The following LEPR variants were observed in gnomAD, a reference collection of about 807,000 sequenced individuals.
LEPR encodes OB receptor.
LEPR carries 56 observed loss-of-function variants against 114.7 expected under a neutral mutation model. The ratio of observed to expected loss-of-function variants is 0.49; its 90% CI spans 0.39 to 0.61. LEPR has a LOEUF of 0.61. LEPR is among the 20% of genes least tolerant of loss of function. LEPR has a pLI of 0.00. For synonymous variants in LEPR, 443 were observed against 461.4 expected (o/e 0.96, Z 0.51); for missense variants, 1,202 against 1,352.9 (o/e 0.89, Z 1.75).
At chr1:65,536,683 CAA>C (rs758335141) in intron 2 of LEPR, among the ~76,000 whole-genome samples, 1 of 151,880 alleles carries the variant, frequency 6.6e-6, no homozygotes, top group Non-Finnish European at 1.5e-5. Context: ...TATTCATATT[CAA>C]AGTCTGTTTT....
intron 2 of LEPR, among the ~76,000 whole-genome samples, chr1:65,451,870 G>T (rs956735153): frequency 2.0e-5 from 3 of 151,974 alleles, no homozygotes; most frequent in Non-Finnish European, 4.4e-5. Flanking sequence ...ACCTTGGGCG[G>T]TATGGCCATT....
chr1:65,518,872 T>TC (rs1649433291), intron 2 of LEPR, among the ~76,000 whole-genome samples: 2 of 126,142 alleles, frequency 1.6e-5, no homozygotes, highest in African/African-American at 5.8e-5. Flanking sequence ...TCTTTCTTTC[T>TC]TTTTCTTTCT....
intron 3 of LEPR, among the ~76,000 whole-genome samples, chr1:65,565,839 T>TCACA (rs1298113307): frequency 7.6e-6 from 1 of 132,446 alleles, no homozygotes; most frequent in Admixed American, 7.6e-5. Context: ...GAATCCTCTC[T>TCACA]CTCTCTCACA....
intron 2 of LEPR, among the ~76,000 whole-genome samples, chr1:65,538,424 C>T (rs946200166): frequency 2.0e-5 from 3 of 152,064 alleles, no homozygotes; most frequent in Admixed American, 6.6e-5. Flanking sequence ...TGTTTGTAAC[C>T]ACGATTTCCT....
chr1:65,520,417 T>C (rs1276816970), intron 2 of LEPR, among the ~76,000 whole-genome samples: 2 of 152,218 alleles, frequency 1.3e-5, no homozygotes, highest in South Asian at 2.1e-4. Context: ...GTATATTGAC[T>C]TCAGAAACAA....
chr1:65,529,574 AG>A (rs1557642572), intron 2 of LEPR, among the ~76,000 whole-genome samples: 3 of 149,256 alleles, frequency 2.0e-5, no homozygotes, highest in African/African-American at 7.4e-5. Flanking sequence ...GGAGGGAGGG[AG>A]GATTGTCTCT....
In LEPR at chr1:65,617,974, G is replaced by GCAGT; in HGVS notation, c.2226_2229dup (p.Leu744ValfsTer22). 1 of 1,608,604 alleles carries GCAGT rather than the reference G, an allele frequency of 6.2e-7. No individual in the cohort carries two copies. On this transcript the variant is annotated frameshift_variant, in exon 16 of 20. Coordinates refer to ENST00000349533, the MANE Select transcript of LEPR (RefSeq NM_002303.6). LOFTEE classifies it high-confidence loss of function. Reference sequence around the variant, plus strand: ...TTCTTTTCCCCTCAGTAAATATCGTGCAGTCACTCAGTGCTTATCCTTTAA... The same window carrying GCAGT: ...TTCTTTTCCCCTCAGTAAATATCGTGCAGTCAGTCACTCAGTGCTTATCCTTTAA...
chr1:65,637,004 C>G lies in LEPR; in HGVS notation c.3487C>G (p.Leu1163Val). 6.2e-7 allele frequency: 1 copy of G among 1,613,336 alleles called. No individual in the cohort carries two copies. The highest frequency in any genetic ancestry group is 8.5e-7 in the Non-Finnish European group (1 of 1,179,892). Residue 1163 changes from leucine to valine, a missense_variant, in exon 20 of 20, where the codon CTA (leucine) becomes GTA (valine). Transcript: ENST00000349533. ...GATCATGGAAAACAAGATGTGTGAC[C>G]TAACTGTGTAATTTCACTGAAGAAA... ...HKIMENKMCDLTV is the reference protein window; with the variant it reads ...HKIMENKMCDVTV
At chr1:65,478,340 CTG>C (rs1270318153) in intron 2 of LEPR, among the ~76,000 whole-genome samples, 2 of 152,166 alleles carry the variant, frequency 1.3e-5, no homozygotes, top group African/African-American at 4.8e-5. Context: ...ACAATGAAAA[CTG>C]TAAAATTATA....
chr1:65,628,042 G>A (rs1045379206), intron 19 of LEPR, among the ~76,000 whole-genome samples: 20 of 152,010 alleles, frequency 1.3e-4, no homozygotes, highest in African/African-American at 4.8e-4. Context: ...CTATAATTAT[G>A]TTAATCAAAT....
chr1:65,420,711 C>G lies in LEPR; in HGVS notation c.-126C>G. 2 of 1,581,176 alleles carry G rather than the reference C, an allele frequency of 1.3e-6. No individual in the cohort carries two copies. Among genetic ancestry groups the G allele is most frequent in the East Asian group, 2.3e-5 (1 of 43,236 alleles). On this transcript the variant is annotated 5_prime_UTR_variant, in exon 1 of 20. Coordinates refer to ENST00000349533, the MANE Select transcript of LEPR (RefSeq NM_002303.6). ...CAGGAAGCCGGAAGCAGCCGCGGCC[C>G]CAGTTCGGGAGACATGGCGGGCGTT... is the stretch of plus-strand genomic sequence containing the variant.
chr1:65,527,346 A>G (rs1270438986), intron 2 of LEPR, among the ~76,000 whole-genome samples: 1 of 152,222 alleles, frequency 6.6e-6, no homozygotes, highest in Non-Finnish European at 1.5e-5. Context: ...GCAGAGATTA[A>G]CTAAACAGAT....
chr1:65,610,219 A>G lies in LEPR; in HGVS notation c.1918A>G (p.Met640Val), dbSNP rs753680187. ...YTVVMDIKVPMRGPEFWRIIN... is the reference protein window; with the variant it reads ...YTVVMDIKVPVRGPEFWRIIN... ...CACAACTTGTCATTTTGCAGTTCCT[A>G]TGAGAGGACCTGAATTTTGGAGAAT... Residue 640 changes from methionine to valine, a missense_variant, in exon 14 of 20, where the codon ATG becomes GTG. Transcript: ENST00000349533. 6 of 1,614,038 alleles carry G rather than the reference A, an allele frequency of 3.7e-6. No individual in the cohort carries two copies. The highest frequency in any genetic ancestry group is 3.3e-5 in the South Asian group (3 of 91,066).
intron 2 of LEPR, among the ~76,000 whole-genome samples, chr1:65,523,971 G>GATGA (rs764087882): frequency 1.2e-4 from 19 of 152,224 alleles, no homozygotes; most frequent in Non-Finnish European, 2.6e-4. Context: ...GGCAAGTGAA[G>GATGA]ATGAAGGCAG....
Position 65,526,244 on chromosome 1 carries a change from A to G in LEPR, c.-20-39302A>G, listed in dbSNP as rs1042426859. 7.1e-6 allele frequency: 7 copies of G among 985,320 alleles called. No individual in the cohort carries two copies. The African/African-American group carries it at 1.2e-4, about 17-fold the overall frequency. The allele number at this position is 985,320 out of a possible 1,614,324, so 61.0% of individuals were successfully genotyped here. A position where few individuals can be genotyped will look rare whatever the true frequency, so the allele number is the denominator to read the frequency against. On this transcript the variant is annotated intron_variant, in intron 2 of 19. Transcript: ENST00000349533. Reference sequence around the variant, plus strand: ...GCTGGTTCGAATGACAAGAGAAAAAATAATTGTTCTGTAGGGATGGTTTAG... The same window carrying G: ...GCTGGTTCGAATGACAAGAGAAAAAGTAATTGTTCTGTAGGGATGGTTTAG...
rs760777574 is a variant in LEPR, at chr1:65,621,383, G to A, written c.2522G>A (p.Gly841Asp). ...ATTGAAAAACACCAGAGTGATGCAG[G>A]TTTATATGTAATTGTGCCAGTAATT... ...DDIEKHQSDA[G>D]LYVIVPVIIS... Residue 841 changes from glycine to aspartate, a missense_variant, in exon 18 of 20, where the codon GGT becomes GAT. Transcript: ENST00000349533. The A allele has an allele frequency of 6.2e-7, 1 of 1,613,260 alleles. No individual in the cohort carries two copies. Among genetic ancestry groups the A allele is most frequent in the South Asian group, 1.1e-5 (1 of 91,064 alleles).
intron 2 of LEPR, among the ~76,000 whole-genome samples, chr1:65,534,726 G>A (rs1393693578): frequency 6.6e-6 from 1 of 152,118 alleles, no homozygotes; most frequent in Non-Finnish European, 1.5e-5. Context: ...GACCAATACT[G>A]TCTATAAAGT....
chr1:65,515,651 C>T (rs777908345), intron 2 of LEPR, among the ~76,000 whole-genome samples: 29 of 152,096 alleles, frequency 1.9e-4, no homozygotes, highest in Non-Finnish European at 2.6e-4. Context: ...ATAGAGTGTT[C>T]GTTTGTTCTG....
rs71736052 is a variant in LEPR, at chr1:65,603,698, GTT to G, written c.1404-1324_1404-1323del. On this transcript the variant is annotated intron_variant, in intron 10 of 19. Coordinates refer to ENST00000349533, the MANE Select transcript of LEPR (RefSeq NM_002303.6). ...CATTAGGAGATTTTTTTTGCAACTG[GTT>G]TTTTTTTTTTTTTTTGATTCATCAG... Among the ~76,000 whole-genome samples the G allele has an allele frequency of 2.1e-3, 280 of 135,280 alleles. 1 individual carries two copies. Among genetic ancestry groups the G allele is most frequent in the African/African-American group, 5.6e-3 (208 of 37,052 alleles). The allele number at this position is 135,280 out of a possible 152,430, so 88.7% of individuals were successfully genotyped here.
Sources: gnomAD v4.1 joint callset for allele counts (sites outside exome capture counted in the v4.1 genomes callset) on GRCh38, gnomAD v4.1.1 for gene constraint, MANE v1.5 for transcripts, NCBI Gene and HGNC (gene_info 2026-07-23, HGNC 2026-07-21) for gene names.